MREG: variants seen among roughly 807,000 people sequenced by gnomAD.
The protein encoded by MREG is melanoregulin.
MREG carries 31 observed loss-of-function variants against 28.5 expected under a neutral mutation model. That is an observed-to-expected ratio of 1.09 (90% CI 0.82 to 1.47). MREG has a LOEUF of 1.47. Among genes scored for constraint, MREG ranks in the 40% most tolerant of loss-of-function variants. MREG has a pLI of 0.00. For missense variants in MREG, 256 were observed against 257.4 expected (o/e 0.99, Z 0.04); for synonymous variants, 106 against 95.2 (o/e 1.11, Z -0.66).
chr2:216,033,653 G>C (rs571748399), upstream of MREG: 21 of 152,472 alleles, frequency 1.4e-4, no homozygotes, highest in African/African-American at 4.1e-4. Context: ...AAGTCTGAAG[G>C]CTGCAGACAA....
At chr2:215,983,998 C>T (rs753234039) in intron 2 of MREG, among the ~76,000 whole-genome samples, 1 of 152,134 alleles carries the variant, frequency 6.6e-6, no homozygotes, top group Non-Finnish European at 1.5e-5. Flanking sequence ...TATTTTCATG[C>T]TGCTGATAAA....
chr2:216,031,653 A>AAG (rs1656090042), intron 1 of MREG, among the ~76,000 whole-genome samples: 1 of 65,518 alleles, frequency 1.5e-5, no homozygotes, highest in South Asian at 4.9e-4. Flanking sequence ...GAAGAAAAGA[A>AAG]AGAAAGAAAG....
At chr2:215,952,669 A>G (rs1426515236) in intron 2 of MREG, among the ~76,000 whole-genome samples, 1 of 152,140 alleles carries the variant, frequency 6.6e-6, no homozygotes. Flanking sequence ...AAAGAGATCA[A>G]TTTATTTTTA....
chr2:215,951,038 C>A (rs1692469156), intron 2 of MREG, among the ~76,000 whole-genome samples: 1 of 152,106 alleles, frequency 6.6e-6, no homozygotes, highest in Non-Finnish European at 1.5e-5. Flanking sequence ...TCTCCTGCCA[C>A]CGTGTGAAGA....
upstream of MREG, chr2:216,013,688 C>T (rs1694379445): frequency 6.9e-6 from 1 of 145,288 alleles, no homozygotes; most frequent in African/African-American, 2.5e-5. Flanking sequence ...GCACCGGAGG[C>T]TGGCAGCCGG....
rs375220091 is a variant in MREG at position 215,984,518 on chromosome 2, C to CAAA, written c.255+11785_255+11787dup. ...GGGCAACAGAATAAGACCTTGTCAC[C>CAAA]AAAAAAAAAAAAAAAAAAAAAAAAA... On this transcript the variant is annotated intron_variant, in intron 2 of 4. Transcript: ENST00000263268. 2.5e-4 allele frequency among the ~76,000 whole-genome samples: 17 copies of CAAA among 68,040 alleles called. 1 individual carries two copies. The highest frequency in any genetic ancestry group is 1.0e-3 in the African/African-American group (15 of 14,530). 44.6% of individuals were successfully genotyped at this position (68,040 alleles called of 152,430 possible).
chr2:216,028,984 C>T (rs1056467791), intron 1 of MREG, among the ~76,000 whole-genome samples: 2 of 151,982 alleles, frequency 1.3e-5, no homozygotes, highest in Admixed American at 1.3e-4. Flanking sequence ...GGTTTTCCCC[C>T]CATTGGAATA....
At chr2:216,032,726 A>C (rs1694728111) in intron 1 of MREG, 1 of 152,132 alleles carries the variant, frequency 6.6e-6, no homozygotes, top group African/African-American at 2.4e-5. Flanking sequence ...ACTCTTCCCC[A>C]TGTTACCCCC....
chr2:216,012,972 G>A (rs1160302869), intron 1 of MREG, among the ~76,000 whole-genome samples: 1 of 152,158 alleles, frequency 6.6e-6, no homozygotes, highest in African/African-American at 2.4e-5. Context: ...GCCCAGGTAG[G>A]ACACCCGAAT....
intron 1 of MREG, among the ~76,000 whole-genome samples, chr2:216,005,518 C>A (rs944924602): frequency 3.1e-5 from 4 of 128,910 alleles, no homozygotes. Context: ...GTGGCACAGT[C>A]TTGGCTCACT....
chr2:215,998,320 A>ATAAAT (rs1288861522), intron 1 of MREG, among the ~76,000 whole-genome samples: 1 of 138,902 alleles, frequency 7.2e-6, no homozygotes, highest in African/African-American at 2.7e-5. Context: ...AAAAAAAAAA[A>ATAAAT]AATAATAATA....
At chr2:215,986,191 CAT>C (rs1218752805) in intron 2 of MREG, among the ~76,000 whole-genome samples, 2 of 152,128 alleles carry the variant, frequency 1.3e-5, no homozygotes, top group Non-Finnish European at 2.9e-5. Flanking sequence ...GGAAAGAAAA[CAT>C]ATTTATTTAG....
chr2:216,017,129 A>G (rs1466687594), upstream of MREG, among the ~76,000 whole-genome samples: 2 of 152,284 alleles, frequency 1.3e-5, no homozygotes, highest in East Asian at 3.9e-4. Context: ...CTTGTGATGT[A>G]GCATCATTGT....
At chr2:216,022,701 T>C (rs1055527224) in intron 1 of MREG, among the ~76,000 whole-genome samples, 1 of 152,230 alleles carries the variant, frequency 6.6e-6, no homozygotes, top group African/African-American at 2.4e-5. Context: ...TTCCAAGTTT[T>C]CTGTGTTCTC....
At chr2:215,985,255 A>T (rs1574627711) in intron 2 of MREG, among the ~76,000 whole-genome samples, 1 of 152,264 alleles carries the variant, frequency 6.6e-6, no homozygotes, top group African/African-American at 2.4e-5. Context: ...AACAATTATT[A>T]AGCTCCCTAG....
At chr2:215,973,063 A>C (rs771369901) in intron 2 of MREG, among the ~76,000 whole-genome samples, 8 of 152,208 alleles carry the variant, frequency 5.3e-5, no homozygotes, top group Non-Finnish European at 1.2e-4. Context: ...AGGAGCAACC[A>C]AAAGGGGCAC....
chr2:215,981,748 C>G lies in MREG; in HGVS notation c.255+14558G>C, dbSNP rs191993693. The stretch of plus-strand genomic sequence containing the variant: ...GGAATACTTAATATTAGCAGCCCCT[C>G]TCCTCTTACTTAAGAACTTAAGTGA... On this transcript the variant is annotated intron_variant, in intron 2 of 4. Transcript: ENST00000263268. Among the ~76,000 whole-genome samples the G allele has an allele frequency of 3.3e-5, 5 of 152,294 alleles. No individual in the cohort carries two copies. In the East Asian group the frequency reaches 5.8e-4, roughly 18 times the overall value.
At chr2:215,971,469 G>A (rs1320485533) in intron 2 of MREG, among the ~76,000 whole-genome samples, 1 of 152,082 alleles carries the variant, frequency 6.6e-6, no homozygotes, top group African/African-American at 2.4e-5. Context: ...AAACAGGTAA[G>A]CGGTAAATAC....
chr2:215,986,538 A>G (rs1252610269), intron 2 of MREG, among the ~76,000 whole-genome samples: 7 of 152,180 alleles, frequency 4.6e-5, no homozygotes, highest in African/African-American at 1.7e-4. Context: ...TAGTTTCCCA[A>G]GAATGAAGTG....
Sources: gnomAD v4.1 joint callset for allele counts (sites outside exome capture counted in the v4.1 genomes callset) on GRCh38, gnomAD v4.1.1 for gene constraint, MANE v1.5 for transcripts, NCBI Gene and HGNC (gene_info 2026-07-23, HGNC 2026-07-21) for gene names.